Variants in NMU observed in about 807,000 individuals in gnomAD.
The protein encoded by NMU is neuromedin-U.
Under a neutral mutation model 35.4 loss-of-function variants are expected in NMU, and 29 were observed. The observed-to-expected ratio is 0.82, with a 90% CI of 0.61 to 1.12. The LOEUF (loss-of-function observed/expected upper bound fraction) is 1.12, where lower values mean the gene tolerates loss of function less well. Ranked by LOEUF, NMU falls within the 50% of genes most tolerant of loss-of-function variation. NMU has a pLI of 0.00. For missense variants in NMU, 199 were observed against 206.2 expected (o/e 0.97, Z 0.21); for synonymous variants, 78 against 81.3 (o/e 0.96, Z 0.22).
chr4:55,629,327 C>T (rs1734666998), intron 2 of NMU, among the ~76,000 whole-genome samples: 1 of 151,494 alleles, frequency 6.6e-6, no homozygotes, highest in Non-Finnish European at 1.5e-5. Context: ...TCTTAAATTC[C>T]TGGGCTGAAG....
chr4:55,595,521 C>A (rs1733130818), intron 9 of NMU, 110 bp from the exon 10 acceptor site: 1 of 130,604 alleles, frequency 7.7e-6, no homozygotes, highest in Non-Finnish European at 1.6e-5. Context: ...ATAACAGTAG[C>A]ATCTGACATA....
rs773998918 is a variant in NMU at position 55,611,444 on chromosome 4, T to A, written c.220-2265A>T. Among the ~76,000 whole-genome samples, 11 of 152,180 alleles carry A rather than the reference T, an allele frequency of 7.2e-5. No individual in the cohort carries two copies. In the East Asian group the frequency reaches 1.2e-3, roughly 16 times the overall value. Reference sequence around the variant, plus strand: ...TAATTTATTATTGAAGAGAGAAAAATTTTTAAATAAATTTAACGCAGCCTA... The same window carrying A: ...TAATTTATTATTGAAGAGAGAAAAAATTTTAAATAAATTTAACGCAGCCTA... On this transcript the variant is annotated intron_variant, in intron 3 of 9. Transcript: ENST00000264218.
intron 2 of NMU, among the ~76,000 whole-genome samples, chr4:55,627,709 T>C (rs1314762578): frequency 1.3e-5 from 2 of 152,188 alleles, no homozygotes; most frequent in African/African-American, 2.4e-5. Context: ...ATATTGGTAT[T>C]ATATCCAAAA....
At position 55,616,323 on chromosome 4, in the gene NMU, T is replaced by C; in HGVS notation, c.219+15A>G. The C allele has an allele frequency of 6.3e-7, 1 of 1,598,412 alleles. No individual in the cohort carries two copies. Among genetic ancestry groups the C allele is most frequent in the Non-Finnish European group, 8.6e-7 (1 of 1,165,788 alleles). On this transcript the variant is annotated intron_variant, in intron 3 of 9. Coordinates refer to ENST00000264218, the MANE Select transcript of NMU (RefSeq NM_006681.4). ...AACACCTACATTATTACAAAATATC[T>C]TCAATTGGAATTACCTGAGGCTGAG...
chr4:55,601,603 T>C (rs1401003619), intron 7 of NMU, among the ~76,000 whole-genome samples: 1 of 152,164 alleles, frequency 6.6e-6, no homozygotes, highest in Admixed American at 6.5e-5. Context: ...ATAACTATAA[T>C]AAACCAATGA....
At position 55,607,185 on chromosome 4, in the gene NMU, A is replaced by G. The variant is rs1577941447; in HGVS notation, c.360+113T>C. On this transcript the variant is annotated intron_variant, in intron 6 of 9. Transcript: ENST00000264218. ...GAATTTCATTCCTTTACTCACATAT[A>G]AACTTTTAAAGTAAAAAATTTGAAT... is the stretch of plus-strand genomic sequence containing the variant. The G allele has an allele frequency of 4.2e-6, 3 of 721,298 alleles. No homozygotes were observed. In the African/African-American group the frequency reaches 5.4e-5, roughly 13 times the overall value. 44.7% of individuals were successfully genotyped at this position (721,298 alleles called of 1,614,324 possible). A position where few individuals can be genotyped will look rare whatever the true frequency, so the allele number is the denominator to read the frequency against.
At chr4:55,617,055 G>A (rs28434262) in intron 2 of NMU, among the ~76,000 whole-genome samples, 2,173 of 152,222 alleles carry the variant, frequency 0.014, 51 homozygotes, top group African/African-American at 0.05. Flanking sequence ...GATGTCTGGC[G>A]TTGTTTATGA....
At chr4:55,598,572 A>G (rs963986573) in intron 9 of NMU, among the ~76,000 whole-genome samples, 1 of 152,168 alleles carries the variant, frequency 6.6e-6, no homozygotes, top group African/African-American at 2.4e-5. Context: ...ACAGCTACTA[A>G]ATTTCTACTC....
chr4:55,600,042 T>C (rs1356681483), intron 8 of NMU, among the ~76,000 whole-genome samples: 6 of 152,126 alleles, frequency 3.9e-5, no homozygotes, highest in Non-Finnish European at 8.8e-5. Context: ...GAAAAAAACC[T>C]CACATTTTAT....
At chr4:55,629,615 CAAAAAAA>C (rs10581873) in intron 2 of NMU, among the ~76,000 whole-genome samples, 1 of 88,802 alleles carries the variant, frequency 1.1e-5, no homozygotes. Context: ...GACCATGTCT[CAAAAAAA>C]AAAAAAAAAA....
At chr4:55,603,772 C>T (rs968076268) in intron 7 of NMU, among the ~76,000 whole-genome samples, 3 of 150,764 alleles carry the variant, frequency 2.0e-5, no homozygotes, top group Admixed American at 6.6e-5. Context: ...ATTAGCCGGG[C>T]GTAGCGGCGG....
Position 55,633,001 on chromosome 4 carries a change from TAA to T in NMU, c.113-2543_113-2542del, listed in dbSNP as rs60475340. Among the ~76,000 whole-genome samples, 5 of 146,836 alleles carry T rather than the reference TAA, an allele frequency of 3.4e-5. 1 individual carries two copies. In the South Asian group the frequency reaches 1.1e-3, roughly 31 times the overall value. ...AAAAAAAAAGGAGAGGAAACAAAAT[TAA>T]AAAAAAATTCTATAATTTATAGAAA... On this transcript the variant is annotated intron_variant, in intron 1 of 9. Coordinates refer to ENST00000264218, the MANE Select transcript of NMU (RefSeq NM_006681.4).
intron 6 of NMU, 60 bp from the exon 7 acceptor site, chr4:55,605,409 G>T: frequency 1.7e-6 from 2 of 1,189,866 alleles, no homozygotes; most frequent in South Asian, 2.4e-5. Context: ...TGGCCATCAA[G>T]ACGGTTTCCT....
At chr4:55,617,514 CACACACACACAA>C (rs1479535446) in intron 2 of NMU, among the ~76,000 whole-genome samples, 3 of 152,028 alleles carry the variant, frequency 2.0e-5, no homozygotes, top group Non-Finnish European at 4.4e-5. Context: ...TGGACACACA[CACACACACACAA>C]ACACACACAC....
Position 55,595,391 on chromosome 4 carries a change from T to C in NMU, c.*25A>G, listed in dbSNP as rs1409262262. 6.6e-6 allele frequency: 1 copy of C among 152,370 alleles called. No individual in the cohort carries two copies. The highest frequency in any genetic ancestry group is 2.4e-5 in the African/African-American group (1 of 41,466). 9.4% of individuals were successfully genotyped at this position (152,370 alleles called of 1,614,324 possible). A position where few individuals can be genotyped will look rare whatever the true frequency, so the allele number is the denominator to read the frequency against. On this transcript the variant is annotated 3_prime_UTR_variant, in exon 10 of 10. Coordinates refer to ENST00000264218, the MANE Select transcript of NMU (RefSeq NM_006681.4). ...CATTTTGTATTCCATAGCATTGCTC[T>C]GTGGAAAATTAGCTGGCATCCTGTA... is the stretch of plus-strand genomic sequence containing the variant.
At position 55,609,113 on chromosome 4, in the gene NMU, A is replaced by G. The variant is rs534386910; in HGVS notation, c.279+7T>C. ...TGTCTACAAACAAAACACTATTTCAAGCTTACCTGAGGCTTTGGTAGCATT... is the reference window on the plus strand; with the variant it reads ...TGTCTACAAACAAAACACTATTTCAGGCTTACCTGAGGCTTTGGTAGCATT... On this transcript the variant is annotated splice_region_variant and intron_variant, in intron 4 of 9. Transcript: ENST00000264218. 1.4e-5 allele frequency: 22 copies of G among 1,611,912 alleles called. No homozygotes were observed. The South Asian group carries it at 2.3e-4, about 17-fold the overall frequency.
intron 2 of NMU, among the ~76,000 whole-genome samples, chr4:55,618,737 T>A (rs1734222989): frequency 7.1e-6 from 1 of 141,178 alleles, no homozygotes; most frequent in Non-Finnish European, 1.5e-5. Flanking sequence ...CTTCTTTCTT[T>A]CTTTTTCTTC....
chr4:55,626,093 T>C (rs1734518415), intron 2 of NMU, among the ~76,000 whole-genome samples: 1 of 152,190 alleles, frequency 6.6e-6, no homozygotes, highest in African/African-American at 2.4e-5. Context: ...CAGTTGGCAG[T>C]CTGCCCAGCA....
intron 3 of NMU, among the ~76,000 whole-genome samples, chr4:55,615,708 G>T (rs1389812276): frequency 6.6e-6 from 1 of 151,970 alleles, no homozygotes. Flanking sequence ...GTGTCACAGG[G>T]GTCTGTTATA....
Sources: allele counts gnomAD v4.1 joint callset (sites outside exome capture counted in the v4.1 genomes callset), GRCh38; gene constraint gnomAD v4.1.1; transcripts MANE v1.5; gene names NCBI Gene and HGNC (gene_info 2026-07-23, HGNC 2026-07-21).